The following SMIM45 variants were observed in gnomAD, a reference collection of about 807,000 sequenced individuals.
The protein encoded by SMIM45 is long intergenic non-protein coding RNA 634.
the SMIM45 span, among the ~76,000 whole-genome samples, chr22:41,952,790 C>T: frequency 3.3e-5 from 5 of 152,320 alleles, no homozygotes; most frequent in Middle Eastern, 3.4e-3. Context: ...TCCACATCCC[C>T]CAGCATTGCA....
chr22:41,958,346 C>G, the SMIM45 span: 1 of 456,714 alleles, frequency 2.2e-6, no homozygotes, highest in Admixed American at 2.3e-5. Flanking sequence ...AAGGAAAGAA[C>G]CTAAGAACCT....
chr22:41,952,838 G>T, the SMIM45 span, among the ~76,000 whole-genome samples: 1 of 152,112 alleles, frequency 6.6e-6, no homozygotes, highest in Non-Finnish European at 1.5e-5. Flanking sequence ...CCCTCCATTC[G>T]CATGTTTAAG....
At chr22:41,948,196 T>C in the SMIM45 span, among the ~76,000 whole-genome samples, 7 of 152,214 alleles carry the variant, frequency 4.6e-5, no homozygotes, top group African/African-American at 9.7e-5. Flanking sequence ...CTTTGTCACT[T>C]TGTATGTCCA....
At chr22:41,955,357 T>A in the SMIM45 span, among the ~76,000 whole-genome samples, 36 of 151,994 alleles carry the variant, frequency 2.4e-4, no homozygotes, top group Admixed American at 3.3e-4. Context: ...TTTTGTACTT[T>A]TAGTAGAGAC....
chr22:41,948,678 G>A, the SMIM45 span, among the ~76,000 whole-genome samples: 1 of 152,284 alleles, frequency 6.6e-6, no homozygotes, highest in East Asian at 1.9e-4. Flanking sequence ...AGCACTTTGG[G>A]AGACCGAGGC....
chr22:41,949,466 T>C, the SMIM45 span, among the ~76,000 whole-genome samples: 2 of 151,984 alleles, frequency 1.3e-5, no homozygotes, highest in African/African-American at 4.8e-5. Flanking sequence ...TTCCGAGGCG[T>C]AGCAAGGAGG....
chr22:41,954,460 C>G, the SMIM45 span, among the ~76,000 whole-genome samples: 1 of 152,130 alleles, frequency 6.6e-6, no homozygotes, highest in Non-Finnish European at 1.5e-5. Flanking sequence ...ACTGCCTTGG[C>G]CTCCCAAAAT....
the SMIM45 span, chr22:41,957,968 C>T: frequency 8.0e-6 from 1 of 124,262 alleles, no homozygotes; most frequent in Non-Finnish European, 1.6e-5. Flanking sequence ...AGCCCGGAGA[C>T]CCCCAAGGCA....
chr22:41,954,261 C>T, the SMIM45 span, among the ~76,000 whole-genome samples: 1 of 138,722 alleles, frequency 7.2e-6, no homozygotes, highest in Non-Finnish European at 1.5e-5. Context: ...GGCTGGAGTG[C>T]AGTGGCACCA....
the SMIM45 span, among the ~76,000 whole-genome samples, chr22:41,947,322 G>A: frequency 6.6e-6 from 1 of 151,734 alleles, no homozygotes; most frequent in Non-Finnish European, 1.5e-5. Flanking sequence ...CAGGTTTTTA[G>A]TGATTCCTTT....
At chr22:41,949,723 G>A in the SMIM45 span, among the ~76,000 whole-genome samples, 1 of 152,216 alleles carries the variant, frequency 6.6e-6, no homozygotes, top group Non-Finnish European at 1.5e-5. Context: ...TGTAACAAGA[G>A]ACAAGGCACT....
chr22:41,952,298 C>G, the SMIM45 span: 1 of 152,496 alleles, frequency 6.6e-6, no homozygotes, highest in Non-Finnish European at 1.5e-5. Flanking sequence ...CCAGGGCGGC[C>G]GCAGATGGCA....
the SMIM45 span, among the ~76,000 whole-genome samples, chr22:41,948,665 C>G: frequency 6.6e-6 from 1 of 152,096 alleles, no homozygotes; most frequent in Non-Finnish European, 1.5e-5. Flanking sequence ...ATGCCTATAA[C>G]CCAGCACTTT....
At chr22:41,949,634 A>G in the SMIM45 span, among the ~76,000 whole-genome samples, 1 of 152,204 alleles carries the variant, frequency 6.6e-6, no homozygotes, top group Non-Finnish European at 1.5e-5. Flanking sequence ...GCTGAGACCC[A>G]TTGGGTCAGC....
chr22:41,958,432 T>C, the SMIM45 span: 2 of 450,594 alleles, frequency 4.4e-6, no homozygotes, highest in Admixed American at 2.4e-5. Context: ...TGAGGGTGTG[T>C]GGTGGGGGTA....
At chr22:41,947,669 C>CT in the SMIM45 span, among the ~76,000 whole-genome samples, 1,611 of 125,224 alleles carry the variant, frequency 0.013, 22 homozygotes, top group African/African-American at 0.022. Flanking sequence ...GTGCCTGGCC[C>CT]TTTTTTTTTT....
At chr22:41,955,376 A>C in the SMIM45 span, among the ~76,000 whole-genome samples, 1 of 151,936 alleles carries the variant, frequency 6.6e-6, no homozygotes, top group Non-Finnish European at 1.5e-5. Flanking sequence ...ACAGGGTTTC[A>C]CCATGTTGGT....
the SMIM45 span, among the ~76,000 whole-genome samples, chr22:41,948,148 T>C: frequency 0.045 from 6,893 of 152,274 alleles, 494 homozygotes; most frequent in African/African-American, 0.16. Flanking sequence ...TTGTTCACTG[T>C]CTCTACATCT....
the SMIM45 span, among the ~76,000 whole-genome samples, chr22:41,957,360 A>ATT: frequency 8.3e-4 from 116 of 139,096 alleles, no homozygotes; most frequent in African/African-American, 3.0e-3. Flanking sequence ...CGCCCGGCTA[A>ATT]TTTTTTTTTT....
Sources: allele counts gnomAD v4.1 joint callset (sites outside exome capture counted in the v4.1 genomes callset), GRCh38; gene constraint gnomAD v4.1.1; transcripts MANE v1.5; gene names NCBI Gene and HGNC (gene_info 2026-07-23, HGNC 2026-07-21).